Variants in DTD1 observed in about 807,000 individuals in gnomAD.
The protein encoded by DTD1 is D-aminoacyl-tRNA deacylase 1.
DTD1 carries 13 observed loss-of-function variants against 25.6 expected under a neutral mutation model. That is an observed-to-expected ratio of 0.51 (90% CI 0.33 to 0.81). The LOEUF (loss-of-function observed/expected upper bound fraction) is 0.81, where lower values mean the gene tolerates loss of function less well. Among genes scored for constraint, DTD1 ranks in the 30% least tolerant of loss-of-function variants. DTD1 has a pLI of 0.02. For missense variants in DTD1, 193 were observed against 266.4 expected (o/e 0.72, Z 1.92); for synonymous variants, 110 against 103.6 (o/e 1.06, Z -0.37).
intron 3 of DTD1, among the ~76,000 whole-genome samples, chr20:18,606,299 G>A (rs1247774162): frequency 1.5e-5 from 2 of 131,596 alleles, no homozygotes; most frequent in African/African-American, 2.8e-5. Flanking sequence ...AGAGGATGTG[G>A]AGAAATAGGA....
chr20:18,628,058 T>TA, intron 3 of DTD1, 69 bp from the exon 4 acceptor site: 2 of 1,290,524 alleles, frequency 1.5e-6, no homozygotes, highest in Non-Finnish European at 2.2e-6. Context: ...AATGAACTAA[T>TA]ACAGTGTGCT....
intron 4 of DTD1, chr20:18,631,290 A>G (rs577318002): frequency 2.4e-5 from 24 of 984,514 alleles, no homozygotes; most frequent in South Asian, 4.7e-5. Context: ...AAATATTACA[A>G]ATTTCAAGGT....
intron 4 of DTD1, among the ~76,000 whole-genome samples, chr20:18,682,153 A>G (rs1681907138): frequency 6.6e-6 from 1 of 152,290 alleles, no homozygotes; most frequent in Admixed American, 6.5e-5. Flanking sequence ...TAATTGATCT[A>G]CTGAGAGGGG....
At chr20:18,589,828 C>G (rs1314790433) in intron 1 of DTD1, among the ~76,000 whole-genome samples, 1 of 152,154 alleles carries the variant, frequency 6.6e-6, no homozygotes, top group African/African-American at 2.4e-5. Context: ...TATATGCTTT[C>G]AGTTAAAACA....
At chr20:18,699,024 G>T (rs938444199) in intron 4 of DTD1, among the ~76,000 whole-genome samples, 4 of 152,162 alleles carry the variant, frequency 2.6e-5, no homozygotes, top group African/African-American at 9.7e-5. Context: ...CCTCTGGGCA[G>T]AGCTGGGTTA....
At chr20:18,611,554 C>G (rs536723515) in intron 3 of DTD1, among the ~76,000 whole-genome samples, 39 of 152,182 alleles carry the variant, frequency 2.6e-4, no homozygotes, top group African/African-American at 7.7e-4. Flanking sequence ...TGATTTGTTT[C>G]TCTTATTTGT....
chr20:18,761,755 T>C (rs1322265308), intron 5 of DTD1, among the ~76,000 whole-genome samples: 3 of 152,220 alleles, frequency 2.0e-5, no homozygotes, highest in African/African-American at 7.2e-5. Context: ...TGGGGAACAA[T>C]TACAGTATTT....
At chr20:18,588,798 G>GTCA in intron 1 of DTD1, 4 of 985,312 alleles carry the variant, frequency 4.1e-6, no homozygotes, top group Non-Finnish European at 4.8e-6. Flanking sequence ...CCGACCCCTG[G>GTCA]TCATCACTCA....
intron 5 of DTD1, 87 bp downstream of exon 5, chr20:18,744,358 A>G (rs2061291253): frequency 2.2e-6 from 3 of 1,377,534 alleles, no homozygotes; most frequent in East Asian, 2.4e-5. Flanking sequence ...GGCTGAATTC[A>G]TTCATTTCAC....
At chr20:18,688,633 G>A (rs1392878821) in intron 4 of DTD1, among the ~76,000 whole-genome samples, 1 of 152,052 alleles carries the variant, frequency 6.6e-6, no homozygotes, top group Non-Finnish European at 1.5e-5. Flanking sequence ...TATCTGGAAG[G>A]TCCCTTGCCG....
intron 3 of DTD1, among the ~76,000 whole-genome samples, chr20:18,616,861 T>C (rs1010743907): frequency 3.3e-5 from 5 of 152,200 alleles, no homozygotes; most frequent in Non-Finnish European, 7.3e-5. Flanking sequence ...TTTGCACTCC[T>C]GCACTAATGG....
chr20:18,650,407 C>T (rs2060869772), intron 4 of DTD1, among the ~76,000 whole-genome samples: 2 of 152,150 alleles, frequency 1.3e-5, no homozygotes, highest in South Asian at 4.1e-4. Flanking sequence ...TATCACGGCC[C>T]CGTCCTCCCT....
chr20:18,680,352 CTT>C (rs773669448), intron 4 of DTD1, among the ~76,000 whole-genome samples: 19 of 133,766 alleles, frequency 1.4e-4, no homozygotes, highest in Admixed American at 2.4e-4. Flanking sequence ...GACTGGCTAA[CTT>C]TTTTTTTTTT....
chr20:18,655,699 G>A (rs1475716914), intron 4 of DTD1, among the ~76,000 whole-genome samples: 1 of 152,198 alleles, frequency 6.6e-6, no homozygotes, highest in Non-Finnish European at 1.5e-5. Flanking sequence ...TGTCCCCAGA[G>A]GGTATTTCAT....
chr20:18,720,857 CA>C (rs1281705919), intron 4 of DTD1, among the ~76,000 whole-genome samples: 2 of 151,706 alleles, frequency 1.3e-5, no homozygotes, highest in African/African-American at 2.4e-5. Flanking sequence ...AACCCTGTCT[CA>C]AAAAAAATTT....
At chr20:18,611,560 T>C (rs187663725) in intron 3 of DTD1, among the ~76,000 whole-genome samples, 38 of 152,358 alleles carry the variant, frequency 2.5e-4, no homozygotes, top group African/African-American at 8.9e-4. Flanking sequence ...GTTTCTCTTA[T>C]TTGTTGTTAG....
At chr20:18,594,299 C>T (rs1371176625) in intron 2 of DTD1, among the ~76,000 whole-genome samples, 1 of 152,122 alleles carries the variant, frequency 6.6e-6, no homozygotes, top group Admixed American at 6.5e-5. Context: ...GCTCCCTGAC[C>T]TTGAAGCCAG....
intron 5 of DTD1, among the ~76,000 whole-genome samples, chr20:18,755,068 C>T (rs935398097): frequency 6.6e-6 from 1 of 152,158 alleles, no homozygotes; most frequent in Non-Finnish European, 1.5e-5. Context: ...ACCCATTGGC[C>T]AAAACCTCTC....
chr20:18,728,588 A>G (rs942865459), intron 4 of DTD1, among the ~76,000 whole-genome samples: 4 of 152,138 alleles, frequency 2.6e-5, no homozygotes, highest in Non-Finnish European at 2.9e-5. Context: ...CCTCAGTCCT[A>G]TTTCGGTGTC....
Sources: gnomAD v4.1 joint callset for allele counts (sites outside exome capture counted in the v4.1 genomes callset) on GRCh38, gnomAD v4.1.1 for gene constraint, MANE v1.5 for transcripts, NCBI Gene and HGNC (gene_info 2026-07-23, HGNC 2026-07-21) for gene names.